ARFGAP3: variants seen among roughly 807,000 people sequenced by gnomAD.
The protein encoded by ARFGAP3 is ADP-ribosylation factor GTPase-activating protein 3.
In ARFGAP3, 72 loss-of-function variants were observed where a neutral mutation model predicts 75.0. That is an observed-to-expected ratio of 0.96 (90% CI 0.79 to 1.17). The LOEUF is 1.17. ARFGAP3 is among the 50% of genes most tolerant of loss of function. ARFGAP3 has a pLI of 0.00. For synonymous variants in ARFGAP3, 221 were observed against 217.9 expected, an observed-to-expected ratio of 1.01 and a Z score of -0.13; for missense variants, 620 against 626.6, an observed-to-expected ratio of 0.99 and a Z score of 0.11.
At chr22:42,853,122 T>C (rs1927351833) in intron 1 of ARFGAP3, among the ~76,000 whole-genome samples, 1 of 152,264 alleles carries the variant, frequency 6.6e-6, no homozygotes, top group Non-Finnish European at 1.5e-5. Context: ...TTTTATCATG[T>C]GCTTTCTTAA....
chr22:42,823,872 C>T (rs1377197118), intron 7 of ARFGAP3, 170 bp from the exon 8 acceptor site: 3 of 563,808 alleles, frequency 5.3e-6, no homozygotes, highest in African/African-American at 4.1e-5. Context: ...TTTGGATTAA[C>T]AGAACTTTGT....
chr22:42,819,391 T>C (rs1384004254), intron 9 of ARFGAP3, among the ~76,000 whole-genome samples: 1 of 152,216 alleles, frequency 6.6e-6, no homozygotes, highest in Non-Finnish European at 1.5e-5. Flanking sequence ...AGATAAGAGA[T>C]GGAAAAGTTT....
chr22:42,819,800 C>T (rs1236668394), intron 9 of ARFGAP3, among the ~76,000 whole-genome samples: 1 of 152,214 alleles, frequency 6.6e-6, no homozygotes, highest in Non-Finnish European at 1.5e-5. Flanking sequence ...TAACTTGCAA[C>T]ATAACACTCA....
chr22:42,807,195 C>A, intron 13 of ARFGAP3, 32 bp from the exon 14 acceptor site: 2 of 1,582,696 alleles, frequency 1.3e-6, no homozygotes, highest in Non-Finnish European at 1.7e-6. Flanking sequence ...AAATGTTAGG[C>A]TCCAAAGATT....
At chr22:42,826,538 C>T (rs979296053) in intron 7 of ARFGAP3, among the ~76,000 whole-genome samples, 1 of 151,982 alleles carries the variant, frequency 6.6e-6, no homozygotes, top group African/African-American at 2.4e-5. Flanking sequence ...TGCCACCACA[C>T]TCAGGTAATT....
rs1360515408 is a variant in ARFGAP3 at position 42,857,103 on chromosome 22, G to A, written c.69+11C>T. 4 of 1,504,916 alleles carry A rather than the reference G, an allele frequency of 2.7e-6. No homozygotes were observed. Among genetic ancestry groups the A allele is most frequent in the Non-Finnish European group, 1.8e-6 (2 of 1,125,362 alleles). The allele number at this position is 1,504,916 out of a possible 1,614,324, so 93.2% of individuals were successfully genotyped here. A position where few individuals can be genotyped will look rare whatever the true frequency, so the allele number is the denominator to read the frequency against. ...ATGCCAGGCAGGCCCGCACTCGCCC[G>A]CGGCCGCTACCTTGTTAGTGGGCAC... On this transcript the variant is annotated intron_variant, in intron 1 of 15. Coordinates refer to ENST00000263245, the MANE Select transcript of ARFGAP3 (RefSeq NM_014570.5).
At chr22:42,841,820 G>A (rs1464851177) in intron 2 of ARFGAP3, among the ~76,000 whole-genome samples, 1 of 151,342 alleles carries the variant, frequency 6.6e-6, no homozygotes, top group Non-Finnish European at 1.5e-5. Flanking sequence ...GAAGCTTTAG[G>A]TCCACCAAAA....
chr22:42,839,936 AACTC>A (rs1393685091), intron 3 of ARFGAP3, among the ~76,000 whole-genome samples: 1 of 152,108 alleles, frequency 6.6e-6, no homozygotes, highest in African/African-American at 2.4e-5. Flanking sequence ...ATAATCTATC[AACTC>A]ACTCTATCTA....
intron 11 of ARFGAP3, 118 bp downstream of exon 11, chr22:42,817,024 T>G: frequency 1.3e-6 from 1 of 778,762 alleles, no homozygotes; most frequent in Non-Finnish European, 2.1e-6. Context: ...CAGCCAGAGC[T>G]TTTAAAAACA....
At chr22:42,823,590 C>T (rs990461408) in intron 8 of ARFGAP3, 66 bp downstream of exon 8, 60 of 1,175,012 alleles carry the variant, frequency 5.1e-5, no homozygotes, top group Non-Finnish European at 6.6e-5. Context: ...ACTAAAATGA[C>T]GAAGCGGCTT....
At chr22:42,845,345 C>T (rs180678518) in intron 2 of ARFGAP3, among the ~76,000 whole-genome samples, 51 of 151,592 alleles carry the variant, frequency 3.4e-4, no homozygotes, top group East Asian at 2.0e-3. Context: ...GCCAACACGG[C>T]GAAACTCTGT....
chr22:42,835,398 C>T lies in ARFGAP3; in HGVS notation c.357G>A (p.Ser119=), dbSNP rs912891541. 1.1e-5 allele frequency: 17 copies of T among 1,613,892 alleles called. No homozygotes were observed. The highest frequency in any genetic ancestry group is 1.3e-5 in the Non-Finnish European group (15 of 1,179,954). ...GCTTCCGTGTTGCTTGAGAGGCGAGCGATTTGATTTTCTCCCTATAGAGCT... is the reference window on the plus strand; with the variant it reads ...GCTTCCGTGTTGCTTGAGAGGCGAGTGATTTGATTTTCTCCCTATAGAGCT... ...AAQLYREKIK[S]LASQATRKHG... Residue 119 remains serine (S), a synonymous_variant, in exon 4 of 16, where the codon TCG becomes TCA. Transcript: ENST00000263245.
chr22:42,812,207 A>C (rs1016786438), intron 11 of ARFGAP3, among the ~76,000 whole-genome samples: 2 of 119,208 alleles, frequency 1.7e-5, no homozygotes, highest in African/African-American at 6.9e-5. Context: ...CCTGGGTGAC[A>C]GAGTGGGATA....
At chr22:42,837,148 T>A (rs983880410) in intron 3 of ARFGAP3, among the ~76,000 whole-genome samples, 1 of 152,136 alleles carries the variant, frequency 6.6e-6, no homozygotes, top group African/African-American at 2.4e-5. Context: ...AACATCATGA[T>A]AATGGGCAAA....
intron 11 of ARFGAP3, among the ~76,000 whole-genome samples, chr22:42,811,679 TC>T (rs1194601418): frequency 6.6e-6 from 1 of 152,206 alleles, no homozygotes; most frequent in Non-Finnish European, 1.5e-5. Context: ...TTTGCAAGCA[TC>T]CCAGGAGAGC....
In ARFGAP3 at chr22:42,823,667, CTTGAT is replaced by C. The variant is rs1273789662; in HGVS notation, c.656_660del (p.Asn219SerfsTer2). The C allele has an allele frequency of 1.3e-6, 2 of 1,571,438 alleles. No homozygotes were observed. The highest frequency in any genetic ancestry group is 2.7e-5 in the African/African-American group (2 of 72,848). On this transcript the variant is annotated frameshift_variant, in exon 8 of 16. Transcript: ENST00000263245. LOFTEE classifies it high-confidence loss of function. ...TACATAATACTCACGCCTTTTTTAG[CTTGAT>C]TTGGTTTCTTTTTTATGATAGAGGA... is the stretch of plus-strand genomic sequence containing the variant.
chr22:42,813,850 C>T (rs1265261212), intron 11 of ARFGAP3, among the ~76,000 whole-genome samples: 1 of 152,206 alleles, frequency 6.6e-6, no homozygotes, highest in Non-Finnish European at 1.5e-5. Context: ...ACAGACTTTC[C>T]TTCCTCATCT....
intron 2 of ARFGAP3, among the ~76,000 whole-genome samples, chr22:42,845,155 G>GTA (rs1446891073): frequency 2.0e-5 from 3 of 152,210 alleles, no homozygotes; most frequent in Non-Finnish European, 4.4e-5. Context: ...AAGTAACTAG[G>GTA]TATTGCCTTG....
At chr22:42,798,955 A>G (rs1180112760) in intron 15 of ARFGAP3, 84 bp downstream of exon 15, 2 of 1,132,226 alleles carry the variant, frequency 1.8e-6, no homozygotes, top group Non-Finnish European at 2.7e-6. Context: ...TGAATTTTCC[A>G]GCAGTTGAAG....
Sources: gnomAD v4.1 joint callset for allele counts (sites outside exome capture counted in the v4.1 genomes callset) on GRCh38, gnomAD v4.1.1 for gene constraint, MANE v1.5 for transcripts, NCBI Gene and HGNC (gene_info 2026-07-23, HGNC 2026-07-21) for gene names.